NEDD9: variants seen among roughly 807,000 people sequenced by gnomAD.
NEDD9 encodes the protein neural precursor cell expressed, developmentally down-regulated 9.
A neutral mutation model predicts 76.6 loss-of-function variants in NEDD9; 26 were observed. The observed-to-expected ratio is 0.34, with a 90% CI of 0.25 to 0.47. The LOEUF (loss-of-function observed/expected upper bound fraction) is 0.47. Ranked by LOEUF, NEDD9 falls within the 20% of genes least tolerant of loss-of-function variation. The pLI is 1.00. For synonymous variants in NEDD9, 392 were observed against 414.2 expected (o/e 0.95, Z 0.65); for missense variants, 937 against 1,058.5 (o/e 0.89, Z 1.59).
chr6:11,286,509 C>A (rs13217046), intron 3 of NEDD9, among the ~76,000 whole-genome samples: 1 of 152,164 alleles, frequency 6.6e-6, no homozygotes. Context: ...CATGCACACC[C>A]TTTTACATAA....
intron 2 of NEDD9, chr6:11,199,742 G>A (rs2113734253): frequency 8.0e-6 from 1 of 124,412 alleles, no homozygotes; most frequent in South Asian, 2.8e-4. Flanking sequence ...CTCACCGCAA[G>A]CTCCGCCTCC....
chr6:11,199,055 C>T (rs893709523), intron 2 of NEDD9: 2 of 152,214 alleles, frequency 1.3e-5, no homozygotes, highest in Admixed American at 6.5e-5. Context: ...TCGTATGTGA[C>T]ATGAACACCT....
At chr6:11,340,586 C>A (rs1340202978) in intron 1 of NEDD9, among the ~76,000 whole-genome samples, 1 of 152,126 alleles carries the variant, frequency 6.6e-6, no homozygotes, top group Non-Finnish European at 1.5e-5. Flanking sequence ...AGTCACACAG[C>A]CAATCAGACT....
At chr6:11,304,913 A>C (rs1761140536) in intron 3 of NEDD9, among the ~76,000 whole-genome samples, 1 of 152,188 alleles carries the variant, frequency 6.6e-6, no homozygotes, top group South Asian at 2.1e-4. Flanking sequence ...TATGTAACAA[A>C]CCTGCACGTT....
intron 1 of NEDD9, among the ~76,000 whole-genome samples, chr6:11,217,029 T>C (rs984939780): frequency 6.6e-6 from 1 of 152,222 alleles, no homozygotes; most frequent in South Asian, 2.1e-4. Flanking sequence ...AACATATTAA[T>C]AATGATACTA....
chr6:11,304,264 T>C (rs1399646365), intron 3 of NEDD9, among the ~76,000 whole-genome samples: 1 of 152,160 alleles, frequency 6.6e-6, no homozygotes, highest in African/African-American at 2.4e-5. Context: ...AGATACTATC[T>C]CACACCAGTT....
chr6:11,274,771 T>C, intron 3 of NEDD9, among the ~76,000 whole-genome samples: 1 of 152,158 alleles, frequency 6.6e-6, no homozygotes, highest in South Asian at 2.1e-4. Flanking sequence ...CTGGGGAAAA[T>C]GTACACTAGT....
At chr6:11,289,082 T>C (rs1006899412) in intron 3 of NEDD9, among the ~76,000 whole-genome samples, 2 of 152,246 alleles carry the variant, frequency 1.3e-5, no homozygotes, top group African/African-American at 4.8e-5. Context: ...AACTAACCTA[T>C]GCTCAGCAAA....
intron 1 of NEDD9, among the ~76,000 whole-genome samples, chr6:11,373,831 G>GT (rs1762923603): frequency 2.0e-5 from 3 of 152,130 alleles, no homozygotes; most frequent in Non-Finnish European, 4.4e-5. Context: ...CAAAACAAAT[G>GT]ACCTTCCATA....
chr6:11,233,317 C>T (rs1759537216), upstream of NEDD9: 1 of 518,912 alleles, frequency 1.9e-6, no homozygotes, highest in African/African-American at 1.9e-5. Context: ...GCACACGCAC[C>T]AGCGTTTTCC....
chr6:11,233,233 G>C, upstream of NEDD9: 1 of 518,270 alleles, frequency 1.9e-6, no homozygotes, highest in Non-Finnish European at 3.8e-6. Context: ...TCTTTTCAAC[G>C]TTCAAAGTAC....
chr6:11,213,309 C>T lies in NEDD9; in HGVS notation c.431G>A (p.Gly144Glu), dbSNP rs752835134. 3 of 1,607,992 alleles carry T rather than the reference C, an allele frequency of 1.9e-6. No individual in the cohort carries two copies. Among genetic ancestry groups the T allele is most frequent in the Non-Finnish European group, 2.6e-6 (3 of 1,175,086 alleles). Reference sequence around the variant, plus strand: ...TTTACCCACGTGGGGCCCACTGGTTCCCCCAATGCTTCTCTGCACTGATGG... The same window carrying T: ...TTTACCCACGTGGGGCCCACTGGTTTCCCCAATGCTTCTCTGCACTGATGG... ...VPPSVQRSIG[G>E]TSGPHVGKKV... Residue 144 changes from glycine to glutamate, a missense_variant, in exon 2 of 7, where the codon GGA (glycine) becomes GAA (glutamate). Physicochemically the swap from Gly to Glu is moderately conservative, Grantham distance 98 (BLOSUM62 -2). Coordinates refer to ENST00000379446, the MANE Select transcript of NEDD9 (RefSeq NM_006403.4). The surrounding 1 kb of genome is among the most constrained non-coding windows in gnomAD (Gnocchi z 5.4).
At chr6:11,376,320 A>C (rs1762968539) in intron 1 of NEDD9, among the ~76,000 whole-genome samples, 1 of 152,242 alleles carries the variant, frequency 6.6e-6, no homozygotes, top group Non-Finnish European at 1.5e-5. Flanking sequence ...AAAGACAGGA[A>C]GATGAGGGAA....
intron 1 of NEDD9, among the ~76,000 whole-genome samples, chr6:11,362,435 G>A (rs1369836152): frequency 6.6e-6 from 1 of 151,924 alleles, no homozygotes; most frequent in Non-Finnish European, 1.5e-5. Context: ...GCCTTTTCAT[G>A]TCTTCTGCCA....
intron 3 of NEDD9, among the ~76,000 whole-genome samples, chr6:11,270,895 A>C (rs1402020324): frequency 6.6e-6 from 1 of 152,208 alleles, no homozygotes; most frequent in Admixed American, 6.5e-5. Context: ...TGAGTATTGG[A>C]GGAAGCAGAG....
intron 3 of NEDD9, among the ~76,000 whole-genome samples, chr6:11,304,013 G>A (rs576941021): frequency 3.3e-5 from 5 of 152,184 alleles, no homozygotes; most frequent in Non-Finnish European, 7.4e-5. Context: ...CCATCAGAGT[G>A]AACAGGCAGC....
chr6:11,228,801 C>T (rs952416864), intron 1 of NEDD9, among the ~76,000 whole-genome samples: 11 of 152,028 alleles, frequency 7.2e-5, no homozygotes, highest in African/African-American at 1.5e-4. Flanking sequence ...TAAATAAATG[C>T]ATAAATACAT....
intron 3 of NEDD9, among the ~76,000 whole-genome samples, chr6:11,266,154 C>G (rs1258309197): frequency 6.6e-6 from 1 of 152,146 alleles, no homozygotes; most frequent in African/African-American, 2.4e-5. Context: ...ATGCATGTAA[C>G]AAATTTGCTC....
chr6:11,241,040 T>C lies in NEDD9; in HGVS notation c.13-27313A>G, dbSNP rs1314096798. 6.6e-6 allele frequency among the ~76,000 whole-genome samples: 1 copy of C among 152,252 alleles called. No homozygotes were observed. The highest frequency in any genetic ancestry group is 2.4e-5 in the African/African-American group (1 of 41,474). On this transcript the variant is annotated intron_variant, in intron 3 of 3. Coordinates refer to the NEDD9 transcript ENST00000397378. The surrounding 1 kb of genome is among the most constrained non-coding windows in gnomAD (Gnocchi z 4.0). ...GTTTGTCCAAATAAACAACTTGTTA[T>C]ATGAAACTGTCATGGAAATCTTTTC...
Sources: allele counts gnomAD v4.1 joint callset (sites outside exome capture counted in the v4.1 genomes callset), GRCh38; gene constraint gnomAD v4.1.1; non-coding constraint Gnocchi (gnomAD v3.1); transcripts MANE v1.5; gene names NCBI Gene and HGNC (gene_info 2026-07-23, HGNC 2026-07-21).